The following AP1B1 variants were observed in gnomAD, a reference collection of about 807,000 sequenced individuals.
AP1B1 encodes adaptor related protein complex 1 subunit beta 1.
Under a neutral mutation model 104.3 loss-of-function variants are expected in AP1B1, and 36 were observed. The observed-to-expected ratio is 0.35, with a 90% CI of 0.26 to 0.46. The LOEUF (loss-of-function observed/expected upper bound fraction) is 0.46. AP1B1 is among the 20% of genes least tolerant of loss of function. The pLI is 1.00. For synonymous variants in AP1B1, 504 were observed against 517.5 expected, an observed-to-expected ratio of 0.97 and a Z score of 0.35; for missense variants, 901 against 1,247.9, an observed-to-expected ratio of 0.72 and a Z score of 4.19.
chr22:29,387,552 C>T (rs190502858), intron 1 of AP1B1, among the ~76,000 whole-genome samples: 1 of 151,896 alleles, frequency 6.6e-6, no homozygotes, highest in Non-Finnish European at 1.5e-5. Flanking sequence ...ACGATCCACC[C>T]GCCTCAGCTT....
At position 29,366,385 on chromosome 22, in the gene AP1B1, C is replaced by T. The variant is rs567363554; in HGVS notation, c.37+822G>A. On this transcript the variant is annotated intron_variant, in intron 2 of 22. Coordinates refer to ENST00000357586, the MANE Select transcript of AP1B1 (RefSeq NM_001127.4). ...GGCCGCGGTGGCTCACGCCTGTAAT[C>T]CCAGCACTTTGGGAGGCTGAGGGGG... 1.7e-3 allele frequency among the ~76,000 whole-genome samples: 265 copies of T among 152,300 alleles called. 1 individual carries two copies. In the Middle Eastern group the frequency reaches 0.02, roughly 12 times the overall value.
chr22:29,330,417 C>T lies in AP1B1; in HGVS notation c.2727G>A (p.Leu909=). 1 of 1,613,806 alleles carries T rather than the reference C, an allele frequency of 6.2e-7. No individual in the cohort carries two copies. Among genetic ancestry groups the T allele is most frequent in the Non-Finnish European group, 8.5e-7 (1 of 1,179,974 alleles). ...SLKLTNGIWV[L]AELRIQPGNP... The stretch of plus-strand genomic sequence containing the variant: ...TGCCCGGCTGGATCCGCAGCTCCGC[C>T]AGCACCCAGATGCCGTTGGTCAGCT... The change falls in exon 21 of 23, where the codon CTG becomes CTA. Residue 909 remains leucine, a synonymous_variant. Coordinates refer to ENST00000357586, the MANE Select transcript of AP1B1 (RefSeq NM_001127.4).
intron 21 of AP1B1, 192 bp from the exon 22 acceptor site, chr22:29,329,912 T>C: frequency 7.0e-7 from 1 of 1,435,892 alleles, no homozygotes; most frequent in South Asian, 1.5e-5. Context: ...AGTTTGGGGC[T>C]GTCCGGGGCC....
Position 29,351,772 on chromosome 22 carries a change from G to A in AP1B1, c.992C>T (p.Pro331Leu), listed in dbSNP as rs1377679980. 6.2e-7 allele frequency: 1 copy of A among 1,614,208 alleles called. No individual in the cohort carries two copies. The highest frequency in any genetic ancestry group is 8.5e-7 in the Non-Finnish European group (1 of 1,180,038). ...CAGCTTCTCCAGCTTCACGTAGATA[G>A]GGTCGTTGTACTTCACGAAGAACAC... ...MKVFFVKYNDPIYVKLEKLDI... is the reference protein window; with the variant it reads ...MKVFFVKYNDLIYVKLEKLDI... Residue 331 changes from proline to leucine, a missense_variant, in exon 8 of 23, where the codon CCT becomes CTT. By Grantham distance (98) the Pro-to-Leu change is moderately conservative. Around this residue, in one of 3 missense-constraint regions of AP1B1, gnomAD observed 471 missense variants for 696.7 expected, o/e 0.68. Coordinates refer to ENST00000357586, the MANE Select transcript of AP1B1 (RefSeq NM_001127.4).
At chr22:29,387,730 C>A (rs1252396499) in intron 1 of AP1B1, among the ~76,000 whole-genome samples, 1 of 152,240 alleles carries the variant, frequency 6.6e-6, no homozygotes, top group Non-Finnish European at 1.5e-5. Context: ...AATGACCTTA[C>A]ATGTGGGATT....
Position 29,331,521 on chromosome 22 carries a change from T to A in AP1B1, c.2452A>T (p.Asn818Tyr), listed in dbSNP as rs1397522805. The A allele has an allele frequency of 3.1e-6, 5 of 1,614,074 alleles. No individual in the cohort carries two copies. Among genetic ancestry groups the A allele is most frequent in the Non-Finnish European group, 4.2e-6 (5 of 1,180,044 alleles). ...CTGAAGTAGAAGACATCGATGTTGT[T>A]CTTCACGGCCACCTAGGCACAAGGG... ...PLNNLQVAVK[N>Y]NIDVFYFSTL... Residue 818 changes from asparagine to tyrosine, a missense_variant, in exon 19 of 23, where the codon AAC becomes TAC. Transcript: ENST00000357586.
At chr22:29,339,494 T>C (rs1569153388) in intron 15 of AP1B1, among the ~76,000 whole-genome samples, 1 of 151,958 alleles carries the variant, frequency 6.6e-6, no homozygotes, top group Admixed American at 6.5e-5. Context: ...GTTGTGGGAC[T>C]GAGGGCTGGC....
intron 1 of AP1B1, among the ~76,000 whole-genome samples, chr22:29,371,660 G>A (rs1477655343): frequency 2.6e-5 from 4 of 152,138 alleles, no homozygotes; most frequent in African/African-American, 7.2e-5. Context: ...ACCCAGAGGC[G>A]GAGCTTGCAG....
chr22:29,354,557 G>A (rs766497754), intron 7 of AP1B1, 93 bp downstream of exon 7: 149 of 1,218,126 alleles, frequency 1.2e-4, no homozygotes, highest in Non-Finnish European at 1.7e-4. Context: ...CTTCCTGCAT[G>A]GTGACAGGTC....
intron 6 of AP1B1, 128 bp downstream of exon 6, chr22:29,356,298 C>T (rs566094763): frequency 3.0e-6 from 3 of 995,108 alleles, no homozygotes; most frequent in African/African-American, 3.3e-5. Flanking sequence ...TTAGGTGTGT[C>T]TGAGGGTGGG....
intron 1 of AP1B1, among the ~76,000 whole-genome samples, chr22:29,369,781 T>C (rs1185196312): frequency 6.6e-6 from 1 of 151,970 alleles, no homozygotes; most frequent in East Asian, 1.9e-4. Context: ...CTGGCAGCCC[T>C]GTTACGTAAC....
intron 16 of AP1B1, 24 bp from the exon 17 acceptor site, chr22:29,334,434 G>A: frequency 6.3e-7 from 1 of 1,582,232 alleles, no homozygotes; most frequent in Non-Finnish European, 8.5e-7. Context: ...GGTGCGGAGG[G>A]GGCGGGTAGG....
At chr22:29,351,862 A>G (rs772380130) in intron 7 of AP1B1, 37 bp from the exon 8 acceptor site, 3 of 1,612,658 alleles carry the variant, frequency 1.9e-6, no homozygotes, top group South Asian at 2.2e-5. Context: ...AGCAAAAAAC[A>G]AGGCTTAAGC....
Position 29,358,699 on chromosome 22 carries a change from G to A in AP1B1, c.525+27C>T, listed in dbSNP as rs373988349. ...CCAAGCAACCCAGGAGGTGGTGGAG[G>A]TAGCACGGTGGGTGGCAGTGGCTTA... On this transcript the variant is annotated intron_variant, in intron 5 of 22. Transcript: ENST00000357586. 4 of 1,599,572 alleles carry A rather than the reference G, an allele frequency of 2.5e-6. No homozygotes were observed. The African/African-American group carries it at 4.0e-5, about 16-fold the overall frequency.
At chr22:29,375,031 G>A (rs2062311714) in intron 1 of AP1B1, among the ~76,000 whole-genome samples, 1 of 152,136 alleles carries the variant, frequency 6.6e-6, no homozygotes, top group African/African-American at 2.4e-5. Flanking sequence ...ATGGACATAT[G>A]GAATACTATA....
At chr22:29,360,255 C>T (rs1194936772) in intron 3 of AP1B1, among the ~76,000 whole-genome samples, 1 of 152,196 alleles carries the variant, frequency 6.6e-6, no homozygotes, top group African/African-American at 2.4e-5. Flanking sequence ...AGCTATATGA[C>T]ATTGGAGAAA....
intron 1 of AP1B1, among the ~76,000 whole-genome samples, chr22:29,381,462 A>T (rs1339878015): frequency 6.6e-6 from 1 of 151,892 alleles, no homozygotes; most frequent in Non-Finnish European, 1.5e-5. Context: ...CCAGTGCTCA[A>T]CTCTCTTCTT....
chr22:29,336,059 C>T (rs887348319), intron 16 of AP1B1, among the ~76,000 whole-genome samples: 2 of 152,198 alleles, frequency 1.3e-5, no homozygotes, highest in East Asian at 3.8e-4. Context: ...CATGGCATCT[C>T]ACACAGGTCC....
chr22:29,343,074 G>A (rs780132506), intron 11 of AP1B1, among the ~76,000 whole-genome samples: 3 of 152,204 alleles, frequency 2.0e-5, no homozygotes, highest in South Asian at 2.1e-4. Flanking sequence ...GCTTACTGTC[G>A]TGTCACTAAT....
Sources: gnomAD v4.1 joint callset for allele counts (sites outside exome capture counted in the v4.1 genomes callset) on GRCh38, gnomAD v4.1.1 for gene constraint, gnomAD v4.1.1 regional missense constraint, MANE v1.5 for transcripts, NCBI Gene and HGNC (gene_info 2026-07-23, HGNC 2026-07-21) for gene names.